Variants in SVIL observed in about 807,000 individuals in gnomAD.
SVIL encodes the protein supervillin, also known as archvillin.
In SVIL, 101 loss-of-function variants were observed where a neutral mutation model predicts 240.4. The ratio of observed to expected loss-of-function variants is 0.42; its 90% CI spans 0.36 to 0.50. The LOEUF (loss-of-function observed/expected upper bound fraction) is 0.50. Ranked by LOEUF, SVIL falls within the 20% of genes least tolerant of loss-of-function variation. The pLI, the probability that SVIL is intolerant of heterozygous loss-of-function variation, is 0.01. For synonymous variants in SVIL, 999 were observed against 1,100.0 expected, an observed-to-expected ratio of 0.91 and a Z score of 1.82; for missense variants, 2,512 against 2,818.7, an observed-to-expected ratio of 0.89 and a Z score of 2.46.
At chr10:29,530,249 C>T (rs1036514550) in intron 11 of SVIL, among the ~76,000 whole-genome samples, 2 of 151,830 alleles carry the variant, frequency 1.3e-5, no homozygotes, top group African/African-American at 4.8e-5. Context: ...CTTTGTTCTC[C>T]TACAGGACCT....
chr10:29,536,119 A>G, intron 6 of SVIL, 50 bp from the exon 7 acceptor site: 1 of 1,537,620 alleles, frequency 6.5e-7, no homozygotes, highest in South Asian at 1.1e-5. Context: ...AAACGTCAAC[A>G]TATACACAGA....
At chr10:29,723,988 A>C (rs145632701) in intron 1 of SVIL, among the ~76,000 whole-genome samples, 1 of 152,332 alleles carries the variant, frequency 6.6e-6, no homozygotes, top group East Asian at 1.9e-4. Context: ...ATAATGGAGA[A>C]GACATTGTGT....
chr10:29,593,093 G>A (rs985990497), intron 1 of SVIL, among the ~76,000 whole-genome samples: 1 of 151,924 alleles, frequency 6.6e-6, no homozygotes, highest in Non-Finnish European at 1.5e-5. Flanking sequence ...CCTAATCTGC[G>A]CTATGTTTAA....
intron 36 of SVIL, among the ~76,000 whole-genome samples, chr10:29,461,289 G>A (rs757052950): frequency 3.9e-5 from 6 of 152,076 alleles, no homozygotes; most frequent in Non-Finnish European, 4.4e-5. Context: ...CTGGTTTCAC[G>A]AAACCACAGT....
chr10:29,469,334 T>C (rs1051446730), intron 32 of SVIL, among the ~76,000 whole-genome samples: 4 of 152,188 alleles, frequency 2.6e-5, no homozygotes, highest in African/African-American at 9.7e-5. Context: ...CTCTGCCCTC[T>C]CTGGGTAGTG....
chr10:29,646,044 C>T (rs941704498), intron 3 of SVIL, among the ~76,000 whole-genome samples: 7 of 152,196 alleles, frequency 4.6e-5, no homozygotes, highest in Non-Finnish European at 8.8e-5. Context: ...TGTGTGAGGA[C>T]AGAGACTTTT....
rs150297475 is a variant in SVIL, at chr10:29,470,662, GGCCTTCCT to G, written c.5636-187_5636-180del. Among the ~76,000 whole-genome samples, 510 of 152,314 alleles carry G rather than the reference GGCCTTCCT, an allele frequency of 3.3e-3. 2 individuals are homozygous for G. Among genetic ancestry groups the G allele is most frequent in the African/African-American group, 0.012 (481 of 41,576 alleles). On this transcript the variant is annotated intron_variant, in intron 31 of 37. Transcript: ENST00000355867. Reference sequence around the variant, plus strand: ...AGCCCTGTGGAGCACTGAGGCATCAGGCCTTCCTGCCAGCCTAAAAAGTGGGTTCTTAC... The same window carrying G: ...AGCCCTGTGGAGCACTGAGGCATCAGGCCAGCCTAAAAAGTGGGTTCTTAC...
At chr10:29,624,509 G>A (rs1351883261) in intron 1 of SVIL, among the ~76,000 whole-genome samples, 1 of 152,182 alleles carries the variant, frequency 6.6e-6, no homozygotes, top group African/African-American at 2.4e-5. Context: ...GTCAGCCTGG[G>A]CGACAGAGTG....
intron 2 of SVIL, among the ~76,000 whole-genome samples, chr10:29,676,826 T>C (rs1960242016): frequency 6.6e-6 from 1 of 152,010 alleles, no homozygotes. Flanking sequence ...TTGGAGTCGA[T>C]TTTCCACCCC....
rs1319437290 is a variant in SVIL, at chr10:29,458,384, TGC to T, written c.6558+48_6558+49del. ...GCGGCTCAGTGAAAGGAGCCGGGCGTGCGTGTGTTGTTTTACTCCCATCCCCA... is the reference window on the plus strand; with the variant it reads ...GCGGCTCAGTGAAAGGAGCCGGGCGTGTGTGTTGTTTTACTCCCATCCCCA... On this transcript the variant is annotated intron_variant, in intron 37 of 37. Coordinates refer to ENST00000355867, the MANE Select transcript of SVIL (RefSeq NM_021738.3). 9.4e-6 allele frequency: 11 copies of T among 1,164,072 alleles called. No homozygotes were observed. In the Admixed American group the frequency reaches 2.9e-4, roughly 31 times the overall value. 72.1% of individuals were successfully genotyped at this position (1,164,072 alleles called of 1,614,324 possible). A position where few individuals can be genotyped will look rare whatever the true frequency, so the allele number is the denominator to read the frequency against.
At chr10:29,531,977 G>A (rs771359721) in intron 9 of SVIL, 25 bp downstream of exon 9, 1 of 1,611,722 alleles carries the variant, frequency 6.2e-7, no homozygotes, top group South Asian at 1.1e-5. Flanking sequence ...TCCTGGATGA[G>A]GAAACTGCGC....
At chr10:29,669,499 T>G (rs902640780) in intron 2 of SVIL, among the ~76,000 whole-genome samples, 1 of 152,198 alleles carries the variant, frequency 6.6e-6, no homozygotes, top group South Asian at 2.1e-4. Flanking sequence ...GAGAGTGACA[T>G]GATCTCAATT....
At chr10:29,578,946 G>A (rs1032599870) in intron 1 of SVIL, among the ~76,000 whole-genome samples, 3 of 122,088 alleles carry the variant, frequency 2.5e-5, no homozygotes, top group African/African-American at 3.1e-5. Context: ...CTGAAGCCAT[G>A]ATGTGAAACA....
At chr10:29,574,567 T>C (rs1955602500) in intron 1 of SVIL, among the ~76,000 whole-genome samples, 1 of 152,172 alleles carries the variant, frequency 6.6e-6, no homozygotes, top group African/African-American at 2.4e-5. Flanking sequence ...TCACCTGGTC[T>C]TCATGTAATG....
intron 30 of SVIL, among the ~76,000 whole-genome samples, chr10:29,472,631 G>T (rs1227512898): frequency 2.0e-5 from 3 of 152,238 alleles, no homozygotes; most frequent in Non-Finnish European, 1.5e-5. Flanking sequence ...AGACAGGTTT[G>T]CAAGCCTTGG....
At chr10:29,610,104 G>A (rs1957185379) in intron 1 of SVIL, among the ~76,000 whole-genome samples, 3 of 152,170 alleles carry the variant, frequency 2.0e-5, no homozygotes, top group Admixed American at 1.3e-4. Flanking sequence ...TCCACACTGT[G>A]GCGGGCTCCC....
chr10:29,600,149 C>T (rs1194104558), intron 1 of SVIL, among the ~76,000 whole-genome samples: 5 of 152,004 alleles, frequency 3.3e-5, no homozygotes, highest in Non-Finnish European at 5.9e-5. Context: ...CAACCAATTT[C>T]CCCACTTCAA....
intron 2 of SVIL, among the ~76,000 whole-genome samples, chr10:29,662,864 A>G (rs1959174516): frequency 6.6e-6 from 1 of 152,150 alleles, no homozygotes; most frequent in Non-Finnish European, 1.5e-5. Flanking sequence ...TAATCCCAGC[A>G]CTCTGGGAGC....
chr10:29,686,376 T>C (rs554013237), intron 2 of SVIL, among the ~76,000 whole-genome samples: 2 of 152,318 alleles, frequency 1.3e-5, no homozygotes, highest in East Asian at 3.9e-4. Flanking sequence ...AAAAGCTTAT[T>C]TAAGAAGAAC....
Sources: gnomAD v4.1 joint callset for allele counts (sites outside exome capture counted in the v4.1 genomes callset) on GRCh38, gnomAD v4.1.1 for gene constraint, MANE v1.5 for transcripts, NCBI Gene and HGNC (gene_info 2026-07-23, HGNC 2026-07-21) for gene names.